The following MAML3 variants were observed in gnomAD, a reference collection of about 807,000 sequenced individuals.
The protein encoded by MAML3 is mastermind like transcriptional coactivator 3, also known as mastermind-like protein 3.
Under a neutral mutation model 101.9 loss-of-function variants are expected in MAML3, and 27 were observed. The ratio of observed to expected loss-of-function variants is 0.27; its 90% confidence interval spans 0.20 to 0.37. The LOEUF is 0.37. Among genes scored for constraint, MAML3 ranks in the 10% least tolerant of loss-of-function variants. The pLI, the probability that MAML3 is intolerant of heterozygous loss-of-function variation, is 1.00. For synonymous variants in MAML3, 501 were observed against 555.9 expected (o/e 0.90, Z 1.39); for missense variants, 1,316 against 1,444.9 (o/e 0.91, Z 1.45).
rs1729221584 is a variant in MAML3, at chr4:140,153,837, C to G, written c.-510G>C. 1 of 155,092 alleles carries G rather than the reference C, an allele frequency of 6.4e-6. No individual in the cohort carries two copies. The highest frequency in any genetic ancestry group is 6.5e-5 in the Admixed American group (1 of 15,330). 9.6% of individuals were successfully genotyped at this position (155,092 alleles called of 1,614,324 possible). A position where few individuals can be genotyped will look rare whatever the true frequency, so the allele number is the denominator to read the frequency against. ...CCACACCGCATCGGAAAACGGCAAG[C>G]TTGCTTATTGCATTTTCCTTCCACA... On this transcript the variant is annotated 5_prime_UTR_variant, in exon 1 of 5. Coordinates refer to ENST00000509479, the MANE Select transcript of MAML3 (RefSeq NM_018717.5).
chr4:139,903,680 G>A (rs1321459264), intron 1 of MAML3, among the ~76,000 whole-genome samples: 1 of 152,180 alleles, frequency 6.6e-6, no homozygotes, highest in African/African-American at 2.4e-5. Flanking sequence ...GATATGACTG[G>A]TGTTCTTATA....
At chr4:139,866,067 A>G (rs1199483060) in intron 2 of MAML3, among the ~76,000 whole-genome samples, 2 of 152,252 alleles carry the variant, frequency 1.3e-5, no homozygotes, top group Non-Finnish European at 2.9e-5. Context: ...ACACAGAGCC[A>G]GGGATGGAAA....
At chr4:139,807,359 C>G (rs2111108706) in intron 2 of MAML3, among the ~76,000 whole-genome samples, 1 of 152,212 alleles carries the variant, frequency 6.6e-6, no homozygotes, top group East Asian at 1.9e-4. Flanking sequence ...AAGCAAAAAT[C>G]TACTAACCCA....
intron 1 of MAML3, among the ~76,000 whole-genome samples, chr4:140,151,383 G>A (rs543379899): frequency 1.3e-5 from 2 of 152,158 alleles, no homozygotes; most frequent in South Asian, 4.2e-4. Context: ...CACGTGCGGG[G>A]TGGGGGGACG....
chr4:139,804,415 C>T (rs567275906), intron 2 of MAML3, among the ~76,000 whole-genome samples: 3 of 152,044 alleles, frequency 2.0e-5, no homozygotes, highest in South Asian at 2.1e-4. Flanking sequence ...TACAGGTGCC[C>T]GCCACCATGC....
rs180835473 is a variant in MAML3 at position 140,040,361 on chromosome 4, G to C, written c.468+112499C>G. 3.1e-4 allele frequency among the ~76,000 whole-genome samples: 47 copies of C among 152,332 alleles called. No individual in the cohort carries two copies. In the East Asian group the frequency reaches 5.8e-3, roughly 19 times the overall value. ...AAAACTTGCCTAAACTCCAGAGAGG[G>C]AGGTACTCATCAAGTGCAGTCTTCA... On this transcript the variant is annotated intron_variant, in intron 1 of 4. Transcript: ENST00000509479.
chr4:140,119,693 C>T (rs915025900), intron 1 of MAML3, among the ~76,000 whole-genome samples: 1 of 142,782 alleles, frequency 7.0e-6, no homozygotes, highest in Non-Finnish European at 1.5e-5. Flanking sequence ...ACAATCATAG[C>T]TCACTGCAGC....
At chr4:139,850,664 C>T (rs1172577776) in intron 2 of MAML3, among the ~76,000 whole-genome samples, 1 of 146,056 alleles carries the variant, frequency 6.8e-6, no homozygotes, top group Non-Finnish European at 1.5e-5. Context: ...CCTCAGCCTC[C>T]CGAGTAGCTG....
chr4:139,834,264 G>A (rs569596804), intron 2 of MAML3, among the ~76,000 whole-genome samples: 2 of 152,338 alleles, frequency 1.3e-5, no homozygotes, highest in South Asian at 4.1e-4. Context: ...ATATAGTGGT[G>A]TGCTACTGTG....
chr4:139,959,614 G>A (rs1023905062), intron 1 of MAML3, among the ~76,000 whole-genome samples: 13 of 152,288 alleles, frequency 8.5e-5, no homozygotes, highest in African/African-American at 3.1e-4. Context: ...AGGTATTGAA[G>A]TTTCCGGGGC....
chr4:139,835,619 C>G (rs746045039), intron 2 of MAML3, among the ~76,000 whole-genome samples: 1 of 152,066 alleles, frequency 6.6e-6, no homozygotes. Context: ...TTTGACTTCT[C>G]CAATTTATCA....
chr4:139,986,039 A>G (rs1734532280), intron 1 of MAML3, among the ~76,000 whole-genome samples: 1 of 152,208 alleles, frequency 6.6e-6, no homozygotes, highest in South Asian at 2.1e-4. Context: ...TCTAGCCCTC[A>G]TTATGTTTCT....
At chr4:139,993,597 G>A (rs1314406253) in intron 1 of MAML3, among the ~76,000 whole-genome samples, 1 of 151,912 alleles carries the variant, frequency 6.6e-6, no homozygotes, top group African/African-American at 2.4e-5. Flanking sequence ...AGGCCGAGGA[G>A]GGTGGATTGC....
chr4:140,038,389 C>T (rs961335070), intron 1 of MAML3, among the ~76,000 whole-genome samples: 1 of 152,216 alleles, frequency 6.6e-6, no homozygotes, highest in Admixed American at 6.5e-5. Flanking sequence ...GCAAACAAAA[C>T]AGGCAGCACA....
chr4:140,061,238 C>A (rs778642853), intron 1 of MAML3, among the ~76,000 whole-genome samples: 1 of 152,158 alleles, frequency 6.6e-6, no homozygotes, highest in African/African-American at 2.4e-5. Flanking sequence ...TTACAGGAAT[C>A]GGACTCAAAA....
At chr4:140,044,888 G>A (rs1418673670) in intron 1 of MAML3, among the ~76,000 whole-genome samples, 4 of 152,012 alleles carry the variant, frequency 2.6e-5, no homozygotes, top group African/African-American at 9.7e-5. Flanking sequence ...CACCATGTAA[G>A]CTACTTGAAA....
Position 139,718,194 on chromosome 4 carries a change from C to T in MAML3, c.*1129G>A, listed in dbSNP as rs946527141. On this transcript the variant is annotated 3_prime_UTR_variant, in exon 5 of 5. Coordinates refer to ENST00000509479, the MANE Select transcript of MAML3 (RefSeq NM_018717.5). ...TCAGATGTGGCTCACAAAAAACCGA[C>T]TCCCAAACATCAGAGCAGCCCTCTT... is the stretch of plus-strand genomic sequence containing the variant. The T allele has an allele frequency of 2.0e-5, 3 of 152,234 alleles. No homozygotes were observed. The highest frequency in any genetic ancestry group is 7.2e-5 in the African/African-American group (3 of 41,448). 9.4% of individuals were successfully genotyped at this position (152,234 alleles called of 1,614,324 possible).
chr4:139,972,327 G>A (rs182835818), intron 1 of MAML3, among the ~76,000 whole-genome samples: 3 of 152,212 alleles, frequency 2.0e-5, no homozygotes, highest in Admixed American at 6.5e-5. Context: ...ACATTTCTAA[G>A]GTTTATTATA....
At chr4:140,094,370 G>C (rs1214981904) in intron 1 of MAML3, among the ~76,000 whole-genome samples, 3 of 152,188 alleles carry the variant, frequency 2.0e-5, no homozygotes, top group Non-Finnish European at 2.9e-5. Context: ...TACCAGAGAG[G>C]GGAATCTGTT....
Sources: gnomAD v4.1 joint callset for allele counts (sites outside exome capture counted in the v4.1 genomes callset) on GRCh38, gnomAD v4.1.1 for gene constraint, MANE v1.5 for transcripts, NCBI Gene and HGNC (gene_info 2026-07-23, HGNC 2026-07-21) for gene names.